Variants in SETBP1 observed in about 807,000 individuals in gnomAD.
The protein encoded by SETBP1 is SET binding protein 1.
A neutral mutation model predicts 101.0 loss-of-function variants in SETBP1; 9 were observed. That is an observed-to-expected ratio of 0.09 (90% CI 0.05 to 0.16). SETBP1 has a LOEUF of 0.16. Ranked by LOEUF, SETBP1 falls within the 10% of genes least tolerant of loss-of-function variation. SETBP1 has a pLI of 1.00. For missense variants in SETBP1, 1,858 were observed against 2,033.8 expected, an observed-to-expected ratio of 0.91 and a Z score of 1.66; for synonymous variants, 818 against 788.5, an observed-to-expected ratio of 1.04 and a Z score of -0.63.
At chr18:44,801,241 T>C (rs978830056) in intron 2 of SETBP1, among the ~76,000 whole-genome samples, 3 of 151,954 alleles carry the variant, frequency 2.0e-5, no homozygotes, top group Admixed American at 2.0e-4. Context: ...GTAACAAACC[T>C]GCACATTGTG....
At chr18:44,984,540 C>T (rs1397989813) in intron 4 of SETBP1, among the ~76,000 whole-genome samples, 2 of 152,166 alleles carry the variant, frequency 1.3e-5, no homozygotes, top group Non-Finnish European at 2.9e-5. Context: ...CAGGTCCTAA[C>T]AGCATACCAG....
chr18:44,886,754 T>TTTATTA (rs4024294), intron 3 of SETBP1, among the ~76,000 whole-genome samples: 20,694 of 142,876 alleles, frequency 0.14, 1,643 homozygotes, highest in Middle Eastern at 0.24. Context: ...GACTGTACAT[T>TTTATTA]TTATTATTAT....
At chr18:44,709,941 G>A in intron 2 of SETBP1, among the ~76,000 whole-genome samples, 1 of 151,448 alleles carries the variant, frequency 6.6e-6, no homozygotes. Context: ...GAGCACAAAG[G>A]ATGACTCAAA....
intron 2 of SETBP1, among the ~76,000 whole-genome samples, chr18:44,834,873 G>C (rs6507585): frequency 6.6e-6 from 1 of 152,182 alleles, no homozygotes; most frequent in Non-Finnish European, 1.5e-5. Flanking sequence ...GGAGGGAGAG[G>C]GGAGCCAAGG....
intron 4 of SETBP1, among the ~76,000 whole-genome samples, chr18:45,003,951 G>C (rs944495014): frequency 6.6e-6 from 1 of 152,140 alleles, no homozygotes; most frequent in African/African-American, 2.4e-5. Flanking sequence ...GAGACTTTTG[G>C]CAATGTCTGG....
chr18:44,903,958 A>T (rs943848232), intron 3 of SETBP1, among the ~76,000 whole-genome samples: 1 of 152,152 alleles, frequency 6.6e-6, no homozygotes, highest in Non-Finnish European at 1.5e-5. Context: ...GCTTGTCTCC[A>T]TATTAAATTA....
At chr18:44,968,326 T>G (rs1190623434) in intron 4 of SETBP1, among the ~76,000 whole-genome samples, 2 of 152,158 alleles carry the variant, frequency 1.3e-5, no homozygotes, top group Non-Finnish European at 2.9e-5. Context: ...TACTCATGGA[T>G]TTTATAGTCT....
chr18:45,062,981 T>C, intron 5 of SETBP1, 98 bp from the exon 6 acceptor site: 1 of 1,519,514 alleles, frequency 6.6e-7, no homozygotes, highest in Non-Finnish European at 9.0e-7. Flanking sequence ...TTCTCTATAA[T>C]CTTTATAGCC....
chr18:44,991,274 A>G (rs2072372252), intron 4 of SETBP1, among the ~76,000 whole-genome samples: 1 of 151,202 alleles, frequency 6.6e-6, no homozygotes, highest in Non-Finnish European at 1.5e-5. Context: ...AAAGGAAGAA[A>G]CAAGAAACGG....
At chr18:44,981,120 C>T (rs993100134) in intron 4 of SETBP1, among the ~76,000 whole-genome samples, 1 of 152,148 alleles carries the variant, frequency 6.6e-6, no homozygotes, top group Admixed American at 6.5e-5. Context: ...TATTAAAAAC[C>T]GATGCACCCT....
chr18:44,824,937 C>T (rs1290644280), intron 2 of SETBP1, among the ~76,000 whole-genome samples: 7 of 152,236 alleles, frequency 4.6e-5, no homozygotes, highest in Non-Finnish European at 1.5e-5. Context: ...ATGGCGACTG[C>T]TCCTCTCCTG....
intron 3 of SETBP1, among the ~76,000 whole-genome samples, chr18:44,944,957 A>G (rs538577259): frequency 8.1e-4 from 124 of 152,284 alleles, no homozygotes; most frequent in Non-Finnish European, 1.5e-3. Flanking sequence ...ATAAACTAAA[A>G]AGTGCTTTTT....
chr18:44,789,819 C>T (rs923994257), intron 2 of SETBP1, among the ~76,000 whole-genome samples: 5 of 152,156 alleles, frequency 3.3e-5, no homozygotes, highest in Non-Finnish European at 7.3e-5. Flanking sequence ...TTAGCAAAAC[C>T]AACCATGACA....
rs1010263358 is a variant in SETBP1, at chr18:44,820,953, C to T, written c.487-48277C>T. On this transcript the variant is annotated intron_variant, in intron 2 of 5. Transcript: ENST00000649279. ...GGTAGCTTGGGAGCCATCAAAGTAA[C>T]ATTTCCTTTCATTGAAGTAAGAGGA... 2.6e-5 allele frequency among the ~76,000 whole-genome samples: 4 copies of T among 152,330 alleles called. No individual in the cohort carries two copies. In the East Asian group the frequency reaches 7.7e-4, roughly 29 times the overall value.
At chr18:44,684,623 A>C (rs1341293279) in intron 1 of SETBP1, among the ~76,000 whole-genome samples, 5 of 148,670 alleles carry the variant, frequency 3.4e-5, no homozygotes, top group Non-Finnish European at 7.4e-5. Context: ...GGTACCATCT[A>C]AGGTTGAAGA....
At chr18:44,937,542 G>C (rs1213797221) in intron 3 of SETBP1, among the ~76,000 whole-genome samples, 1 of 151,710 alleles carries the variant, frequency 6.6e-6, no homozygotes, top group African/African-American at 2.4e-5. Context: ...GACGTGTCTA[G>C]TGAATGGTAT....
chr18:44,730,260 T>C (rs2069809559), intron 2 of SETBP1, among the ~76,000 whole-genome samples: 1 of 152,238 alleles, frequency 6.6e-6, no homozygotes, highest in African/African-American at 2.4e-5. Context: ...TTCTGTCTAT[T>C]CTACATAAGA....
intron 2 of SETBP1, among the ~76,000 whole-genome samples, chr18:44,791,370 A>C (rs1178483555): frequency 6.6e-6 from 1 of 152,212 alleles, no homozygotes. Context: ...GACTTTTTGC[A>C]GGAAAATTCT....
chr18:44,810,257 G>T (rs1295904006), intron 2 of SETBP1, among the ~76,000 whole-genome samples: 2 of 152,144 alleles, frequency 1.3e-5, no homozygotes, highest in Non-Finnish European at 2.9e-5. Context: ...ACTGGATCTG[G>T]GCCTCAATTC....
Sources: allele counts gnomAD v4.1 joint callset (sites outside exome capture counted in the v4.1 genomes callset), GRCh38; gene constraint gnomAD v4.1.1; transcripts MANE v1.5; gene names NCBI Gene and HGNC (gene_info 2026-07-23, HGNC 2026-07-21).